The following HP1BP3 variants were observed in gnomAD, a reference collection of about 807,000 sequenced individuals.
HP1BP3 encodes the protein heterochromatin protein 1-binding protein 3.
Under a neutral mutation model 62.5 loss-of-function variants are expected in HP1BP3, and 12 were observed. The ratio of observed to expected loss-of-function variants is 0.19; its 90% CI spans 0.12 to 0.31. The LOEUF is 0.31. Ranked by LOEUF, HP1BP3 falls within the 10% of genes least tolerant of loss-of-function variation. The pLI is 1.00. For missense variants in HP1BP3, 502 were observed against 651.8 expected (o/e 0.77, Z 2.50); for synonymous variants, 260 against 237.8 (o/e 1.09, Z -0.86).
At chr1:20,769,150 C>T (rs2056933019) in intron 6 of HP1BP3, among the ~76,000 whole-genome samples, 1 of 152,162 alleles carries the variant, frequency 6.6e-6, no homozygotes, top group African/African-American at 2.4e-5. Context: ...AGTGCAGTGG[C>T]ACAATCATAG....
chr1:20,760,814 C>A (rs984039007), intron 8 of HP1BP3, among the ~76,000 whole-genome samples: 1 of 152,028 alleles, frequency 6.6e-6, no homozygotes, highest in African/African-American at 2.4e-5. Context: ...CCAGCCTGGG[C>A]AACAGAACAA....
intron 1 of HP1BP3, among the ~76,000 whole-genome samples, chr1:20,781,606 A>C (rs1328151573): frequency 1.4e-4 from 22 of 152,196 alleles, no homozygotes; most frequent in Admixed American, 1.0e-3. Context: ...TTAGGGAACC[A>C]GAATATCCAT....
chr1:20,752,664 T>TA (rs1456624428), intron 9 of HP1BP3, among the ~76,000 whole-genome samples: 2 of 152,130 alleles, frequency 1.3e-5, no homozygotes, highest in Non-Finnish European at 2.9e-5. Flanking sequence ...TTACCACAGA[T>TA]AAAGGCAGAG....
At chr1:20,761,754 G>A (rs1340329046) in intron 8 of HP1BP3, among the ~76,000 whole-genome samples, 1 of 152,140 alleles carries the variant, frequency 6.6e-6, no homozygotes, top group Non-Finnish European at 1.5e-5. Context: ...TAACCCTGAG[G>A]GCTCCTTTCT....
chr1:20,757,318 A>C (rs1251176809), intron 8 of HP1BP3, 62 bp from the exon 9 acceptor site: 1 of 961,762 alleles, frequency 1.0e-6, no homozygotes, highest in Non-Finnish European at 1.6e-6. Context: ...AATGTAAAGA[A>C]ATAGATACAG....
At chr1:20,760,764 A>C (rs191445920) in intron 8 of HP1BP3, among the ~76,000 whole-genome samples, 22 of 152,250 alleles carry the variant, frequency 1.4e-4, no homozygotes, top group Admixed American at 7.2e-4. Context: ...TGAACCGAGG[A>C]GGCGGAGGTT....
chr1:20,745,751 C>G (rs896081286), intron 11 of HP1BP3, 95 bp from the exon 12 acceptor site: 3 of 1,205,376 alleles, frequency 2.5e-6, no homozygotes, highest in Non-Finnish European at 3.5e-6. Context: ...TATCCCACTT[C>G]TTCCCACCCT....
At chr1:20,749,952 T>C in intron 9 of HP1BP3, 70 bp from the exon 10 acceptor site, 2 of 1,555,462 alleles carry the variant, frequency 1.3e-6, no homozygotes, top group South Asian at 1.3e-5. Context: ...ACAAGACTCC[T>C]CTGCACCAGG....
At chr1:20,783,234 G>A (rs1364363092) in intron 1 of HP1BP3, among the ~76,000 whole-genome samples, 3 of 152,058 alleles carry the variant, frequency 2.0e-5, no homozygotes, top group African/African-American at 7.2e-5. Context: ...ATTAAGAGAC[G>A]TTAGGGCTGG....
intron 9 of HP1BP3, among the ~76,000 whole-genome samples, chr1:20,752,944 C>A (rs1287423901): frequency 7.4e-6 from 1 of 135,120 alleles, no homozygotes; most frequent in Non-Finnish European, 1.7e-5. Flanking sequence ...TTTCTTGGAA[C>A]ACGTTTTTTT....
intron 9 of HP1BP3, among the ~76,000 whole-genome samples, chr1:20,752,202 C>T (rs1355777067): frequency 6.6e-6 from 1 of 151,556 alleles, no homozygotes; most frequent in Non-Finnish European, 1.5e-5. Flanking sequence ...GTGGAGGTTG[C>T]AGTAAGCCGA....
chr1:20,767,514 C>CA (rs1416380991), intron 7 of HP1BP3, 70 bp downstream of exon 7: 1 of 997,472 alleles, frequency 1.0e-6, no homozygotes, highest in Non-Finnish European at 1.6e-6. Flanking sequence ...AGCAAACACT[C>CA]AATGAATGTT....
chr1:20,773,464 G>A lies in HP1BP3; in HGVS notation c.497C>T (p.Thr166Ile). 4 of 1,609,888 alleles carry A rather than the reference G, an allele frequency of 2.5e-6. No homozygotes were observed. Among genetic ancestry groups the A allele is most frequent in the African/African-American group, 1.3e-5 (1 of 74,856 alleles). ...ATAAAAACTTGCCTTAATGGCCTCA[G>A]TTAAGATTGCATCCATCTTGGGACG... ...SPRPKMDAIL[T>I]EAIKACFQKS... The change falls in exon 5 of 13, where the codon ACT becomes ATT. Residue 166 changes from threonine (T) to isoleucine (I), a missense_variant. By Grantham distance (89) the Thr-to-Ile change is moderately conservative. This residue lies in a region of HP1BP3 where 25 missense variants were observed against 22.5 expected (regional missense o/e 1.11). Transcript: ENST00000438032.
intron 9 of HP1BP3, among the ~76,000 whole-genome samples, chr1:20,753,388 A>C (rs654375): frequency 0.021 from 3,254 of 152,332 alleles, 126 homozygotes; most frequent in African/African-American, 0.072. Context: ...GATAAAATTC[A>C]ACCTTTCAAG....
intron 12 of HP1BP3, 35 bp from the exon 13 acceptor site, chr1:20,745,126 T>A (rs1553156947): frequency 6.4e-7 from 1 of 1,555,490 alleles, no homozygotes. Context: ...CGTCATTTAG[T>A]ACTTAAGAGA....
chr1:20,763,626 CACAA>C (rs1429358788), intron 8 of HP1BP3, among the ~76,000 whole-genome samples: 1 of 152,216 alleles, frequency 6.6e-6, no homozygotes, highest in Non-Finnish European at 1.5e-5. Flanking sequence ...AGTCATCTCA[CACAA>C]ACACTCTCAG....
At chr1:20,770,422 C>T (rs1197618872) in intron 6 of HP1BP3, among the ~76,000 whole-genome samples, 1 of 152,142 alleles carries the variant, frequency 6.6e-6, no homozygotes, top group Non-Finnish European at 1.5e-5. Flanking sequence ...CTCAAGCGGT[C>T]CTCCTGCCTC....
At chr1:20,771,840 A>G (rs1212862188) in intron 5 of HP1BP3, among the ~76,000 whole-genome samples, 1 of 152,246 alleles carries the variant, frequency 6.6e-6, no homozygotes, top group Admixed American at 6.5e-5. Context: ...GAGCTAGTCC[A>G]TCAATTTTGT....
rs604728 is a variant in HP1BP3 at position 20,749,665 on chromosome 1, G to A, written c.1141+58C>T. The stretch of plus-strand genomic sequence containing the variant: ...TGAGCCACAGTGCCTGGCCCTCCAC[G>A]GTTTTTTCAAAAGAAAATTCTCCTA... On this transcript the variant is annotated intron_variant, in intron 10 of 12. Transcript: ENST00000438032. The A allele has an allele frequency of 4.8e-3, 7,243 of 1,517,070 alleles. 270 individuals carry two copies. In the African/African-American group the frequency reaches 0.077, roughly 16 times the overall value. 94.0% of individuals were successfully genotyped at this position (1,517,070 alleles called of 1,614,324 possible). A position where few individuals can be genotyped will look rare whatever the true frequency, so the allele number is the denominator to read the frequency against.
Sources: allele counts gnomAD v4.1 joint callset (sites outside exome capture counted in the v4.1 genomes callset), GRCh38; gene constraint gnomAD v4.1.1; regional missense constraint gnomAD v4.1.1; transcripts MANE v1.5; gene names NCBI Gene and HGNC (gene_info 2026-07-23, HGNC 2026-07-21).